The following ADCY9 variants were observed in gnomAD, a reference collection of about 807,000 sequenced individuals.
ADCY9 encodes adenylate cyclase 9.
Under a neutral mutation model 101.5 loss-of-function variants are expected in ADCY9, and 50 were observed. The observed-to-expected ratio is 0.49, with a 90% CI of 0.39 to 0.62. The LOEUF (loss-of-function observed/expected upper bound fraction) is 0.62. ADCY9 is among the 20% of genes least tolerant of loss of function. The pLI, the probability that ADCY9 is intolerant of heterozygous loss-of-function variation, is 0.00. For synonymous variants in ADCY9, 905 were observed against 769.3 expected, an observed-to-expected ratio of 1.18 and a Z score of -2.92; for missense variants, 1,662 against 1,800.4, an observed-to-expected ratio of 0.92 and a Z score of 1.39.
rs559709144 is a variant in ADCY9 at position 3,965,589 on chromosome 16, G to A, written c.*186C>T. On this transcript the variant is annotated 3_prime_UTR_variant, in exon 11 of 11. Coordinates refer to ENST00000294016, the MANE Select transcript of ADCY9 (RefSeq NM_001116.4). ...CAGCGGGGTTTCCAGGGAAGGGAGC[G>A]AAAGGGAAGAATGGATGAAAATGAA... is the stretch of plus-strand genomic sequence containing the variant. 1.4e-5 allele frequency: 9 copies of A among 634,918 alleles called. No homozygotes were observed. The highest frequency in any genetic ancestry group is 2.8e-5 in the East Asian group (1 of 36,314). The allele number at this position is 634,918 out of a possible 1,614,324, so 39.3% of individuals were successfully genotyped here. A position where few individuals can be genotyped will look rare whatever the true frequency, so the allele number is the denominator to read the frequency against.
At chr16:4,028,518 G>T (rs1194961979) in intron 2 of ADCY9, among the ~76,000 whole-genome samples, 1 of 152,176 alleles carries the variant, frequency 6.6e-6, no homozygotes, top group Non-Finnish European at 1.5e-5. Context: ...AATAGTGCAT[G>T]ATTCCAATTA....
At chr16:4,101,083 G>A (rs2057040132) in intron 2 of ADCY9, among the ~76,000 whole-genome samples, 1 of 152,176 alleles carries the variant, frequency 6.6e-6, no homozygotes, top group Admixed American at 6.5e-5. Context: ...GCAATTCTGT[G>A]AGATGGGTAC....
intron 6 of ADCY9, chr16:3,983,724 T>G (rs570435614): frequency 6.7e-6 from 3 of 446,896 alleles, no homozygotes; most frequent in East Asian, 3.9e-5. Flanking sequence ...AGCCCAGGAG[T>G]TCCCGGCCAG....
At chr16:4,080,372 T>G (rs530962428) in intron 2 of ADCY9, among the ~76,000 whole-genome samples, 11 of 152,230 alleles carry the variant, frequency 7.2e-5, no homozygotes, top group African/African-American at 2.2e-4. Context: ...GCCTCCCGAG[T>G]AGCTGAGACT....
intron 2 of ADCY9, among the ~76,000 whole-genome samples, chr16:4,025,787 G>T (rs560796640): frequency 2.0e-5 from 3 of 152,326 alleles, no homozygotes; most frequent in East Asian, 3.9e-4. Flanking sequence ...CCGACTCCCA[G>T]ACTTTCAGGG....
At chr16:3,961,377 C>T (rs2055937186), downstream of ADCY9, among the ~76,000 whole-genome samples, 1 of 151,420 alleles carries the variant, frequency 6.6e-6, no homozygotes, top group African/African-American at 2.4e-5. Context: ...TGAGTCAGGG[C>T]AGGTCAAGGC....
chr16:3,956,503 T>TTTTTTTTTTTTTTTTGG (rs55792938), intron 5 of ADCY9, among the ~76,000 whole-genome samples: 1 of 69,496 alleles, frequency 1.4e-5, no homozygotes, highest in African/African-American at 4.0e-5. Context: ...TTTTTTTTTT[T>TTTTTTTTTTTTTTTTGG]GGGGGGGGAT....
At chr16:4,027,106 C>T (rs942233039) in intron 2 of ADCY9, among the ~76,000 whole-genome samples, 3 of 152,314 alleles carry the variant, frequency 2.0e-5, no homozygotes, top group African/African-American at 4.8e-5. Context: ...CACTCCTTCA[C>T]TTACATAGGG....
chr16:4,057,407 T>A (rs578224216), intron 2 of ADCY9, among the ~76,000 whole-genome samples: 6 of 152,258 alleles, frequency 3.9e-5, no homozygotes, highest in African/African-American at 1.4e-4. Flanking sequence ...ATCACCACCA[T>A]CAACCTAGAA....
At chr16:4,033,832 A>T (rs1178176132) in intron 2 of ADCY9, among the ~76,000 whole-genome samples, 1 of 152,202 alleles carries the variant, frequency 6.6e-6, no homozygotes, top group Admixed American at 6.5e-5. Flanking sequence ...TCAGTTTCTG[A>T]GTCTGACAGA....
At chr16:4,092,517 G>A (rs1484941544) in intron 2 of ADCY9, among the ~76,000 whole-genome samples, 1 of 152,010 alleles carries the variant, frequency 6.6e-6, no homozygotes, top group African/African-American at 2.4e-5. Flanking sequence ...ATTGACTTTC[G>A]ATTATACAAT....
intron 3 of ADCY9, among the ~76,000 whole-genome samples, chr16:3,999,984 T>A (rs2056318399): frequency 6.6e-6 from 1 of 152,180 alleles, no homozygotes; most frequent in South Asian, 2.1e-4. Context: ...TGGGGAAACC[T>A]CTTTTCTCAG....
intron 5 of ADCY9, among the ~76,000 whole-genome samples, chr16:3,955,867 A>G (rs1047284654): frequency 6.6e-5 from 8 of 122,054 alleles, no homozygotes; most frequent in African/African-American, 2.4e-4. Context: ...GGTTTTTTTA[A>G]AGCTTAAAAA....
chr16:4,096,670 G>A (rs571532942), intron 2 of ADCY9, among the ~76,000 whole-genome samples: 3 of 152,256 alleles, frequency 2.0e-5, no homozygotes, highest in South Asian at 2.1e-4. Flanking sequence ...AATAGGGTAC[G>A]AACTAACTGA....
At chr16:4,091,130 G>A (rs1597219801) in intron 2 of ADCY9, among the ~76,000 whole-genome samples, 1 of 152,072 alleles carries the variant, frequency 6.6e-6, no homozygotes, top group East Asian at 1.9e-4. Context: ...CTGGAGCGCA[G>A]TGGCATGACC....
chr16:3,988,007 G>A (rs903831894), intron 6 of ADCY9, among the ~76,000 whole-genome samples: 4 of 147,392 alleles, frequency 2.7e-5, no homozygotes, highest in Non-Finnish European at 4.4e-5. Flanking sequence ...CTGGAGGAGA[G>A]AGATGGGTGT....
chr16:3,965,987 A>C lies in ADCY9; in HGVS notation c.3850T>G (p.Ser1284Ala). The change falls in exon 11 of 11, where the codon TCT becomes GCT. Residue 1284 changes from serine to alanine, a missense_variant. Around this residue, in one of 5 missense-constraint regions of ADCY9, gnomAD observed 168 missense variants for 155.3 expected, o/e 1.08. Coordinates refer to ENST00000294016, the MANE Select transcript of ADCY9 (RefSeq NM_001116.4). ...GATGTCTTGTCCACATACTGGACAGAAGGCACCAGGTTGGCAATCTCGTCT... is the reference window on the plus strand; with the variant it reads ...GATGTCTTGTCCACATACTGGACAGCAGGCACCAGGTTGGCAATCTCGTCT... ...PTDEIANLVPSVQYVDKTSLG... is the reference protein window; with the variant it reads ...PTDEIANLVPAVQYVDKTSLG... 6.2e-7 allele frequency: 1 copy of C among 1,614,182 alleles called. No homozygotes were observed. Among genetic ancestry groups the C allele is most frequent in the Non-Finnish European group, 8.5e-7 (1 of 1,180,042 alleles).
intron 10 of ADCY9, among the ~76,000 whole-genome samples, chr16:3,973,517 G>C (rs554486835): frequency 6.6e-6 from 1 of 150,642 alleles, no homozygotes; most frequent in South Asian, 2.1e-4. Flanking sequence ...TTTTTTTTCT[G>C]AGACAGAGTC....
intron 6 of ADCY9, among the ~76,000 whole-genome samples, chr16:3,986,450 G>GT (rs375371460): frequency 5.3e-5 from 8 of 151,986 alleles, no homozygotes; most frequent in African/African-American, 1.2e-4. Context: ...ATACATGTTT[G>GT]TTTTTTTTCT....
Sources: allele counts gnomAD v4.1 joint callset (sites outside exome capture counted in the v4.1 genomes callset), GRCh38; gene constraint gnomAD v4.1.1; regional missense constraint gnomAD v4.1.1; transcripts MANE v1.5; gene names NCBI Gene and HGNC (gene_info 2026-07-23, HGNC 2026-07-21).